GPC6: variants seen among roughly 807,000 people sequenced by gnomAD.
GPC6 encodes the protein glypican-6.
Under a neutral mutation model 55.2 loss-of-function variants are expected in GPC6, and 14 were observed. That is an observed-to-expected ratio of 0.25 (90% CI 0.17 to 0.40). GPC6 has a LOEUF of 0.40. GPC6 is among the 10% of genes least tolerant of loss of function. The pLI is 1.00. For synonymous variants in GPC6, 278 were observed against 259.6 expected, an observed-to-expected ratio of 1.07 and a Z score of -0.68; for missense variants, 641 against 708.5, an observed-to-expected ratio of 0.90 and a Z score of 1.08.
At chr13:93,913,053 TC>T (rs1470208476) in intron 3 of GPC6, among the ~76,000 whole-genome samples, 2 of 152,204 alleles carry the variant, frequency 1.3e-5, no homozygotes, top group East Asian at 3.9e-4. Context: ...CATTCTGAGA[TC>T]CTTAATTTAT....
intron 2 of GPC6, among the ~76,000 whole-genome samples, chr13:93,621,665 T>G (rs574728772): frequency 6.6e-6 from 1 of 152,190 alleles, no homozygotes; most frequent in Non-Finnish European, 1.5e-5. Flanking sequence ...GTAAATACTT[T>G]TATAACTATG....
intron 4 of GPC6, among the ~76,000 whole-genome samples, chr13:94,200,876 G>A (rs866639814): frequency 2.0e-5 from 3 of 152,180 alleles, no homozygotes; most frequent in African/African-American, 7.2e-5. Context: ...TGGTGGTGAT[G>A]TCAGAGGAGA....
At chr13:93,507,226 T>C (rs577798651) in intron 1 of GPC6, among the ~76,000 whole-genome samples, 1 of 152,268 alleles carries the variant, frequency 6.6e-6, no homozygotes, top group East Asian at 1.9e-4. Flanking sequence ...GTTATCTACC[T>C]GAAGCTTCGG....
intron 6 of GPC6, among the ~76,000 whole-genome samples, chr13:94,333,187 C>G (rs1169839741): frequency 1.3e-5 from 2 of 152,182 alleles, no homozygotes; most frequent in African/African-American, 2.4e-5. Flanking sequence ...TAATTTTTTA[C>G]TATAAATTTC....
chr13:94,034,565 C>T (rs908914885), intron 4 of GPC6, among the ~76,000 whole-genome samples: 13 of 152,178 alleles, frequency 8.5e-5, no homozygotes, highest in South Asian at 2.1e-4. Flanking sequence ...AGGCAACATA[C>T]ATCAGACCTA....
chr13:93,975,781 A>G (rs1880489291), intron 3 of GPC6, among the ~76,000 whole-genome samples: 1 of 152,114 alleles, frequency 6.6e-6, no homozygotes, highest in South Asian at 2.1e-4. Flanking sequence ...AGTCCAGGAC[A>G]TTTTGGTGTT....
intron 2 of GPC6, among the ~76,000 whole-genome samples, chr13:93,745,054 C>T (rs1304400172): frequency 6.6e-6 from 1 of 152,112 alleles, no homozygotes; most frequent in African/African-American, 2.4e-5. Flanking sequence ...CCAATCTGAG[C>T]TCAGGTCAGT....
At chr13:93,429,934 T>TA (rs1405182861) in intron 1 of GPC6, among the ~76,000 whole-genome samples, 2 of 152,142 alleles carry the variant, frequency 1.3e-5, no homozygotes, top group East Asian at 3.8e-4. Flanking sequence ...TCCTCAGACT[T>TA]ACGATTTGAC....
chr13:94,242,723 A>G (rs1891090716), intron 4 of GPC6, among the ~76,000 whole-genome samples: 1 of 152,108 alleles, frequency 6.6e-6, no homozygotes, highest in South Asian at 2.1e-4. Flanking sequence ...GGAGTTAATT[A>G]CAAGTGATCA....
intron 4 of GPC6, among the ~76,000 whole-genome samples, chr13:94,096,520 A>G (rs1415016190): frequency 6.6e-6 from 1 of 152,152 alleles, no homozygotes; most frequent in South Asian, 2.1e-4. Context: ...TTTTTTCCCA[A>G]TAACTCCTGA....
At chr13:93,412,657 A>T in intron 1 of GPC6, among the ~76,000 whole-genome samples, 1 of 152,020 alleles carries the variant, frequency 6.6e-6, no homozygotes, top group Non-Finnish European at 1.5e-5. Context: ...ACTCCATCTC[A>T]AAAACAAACA....
intron 1 of GPC6, among the ~76,000 whole-genome samples, chr13:93,411,942 G>A (rs758131222): frequency 4.0e-5 from 6 of 151,372 alleles, no homozygotes; most frequent in East Asian, 3.9e-4. Flanking sequence ...GGCAGAGGTC[G>A]CAGTGAGCCA....
intron 5 of GPC6, among the ~76,000 whole-genome samples, chr13:94,294,037 A>C (rs533288508): frequency 7.2e-5 from 11 of 152,210 alleles, no homozygotes; most frequent in African/African-American, 2.7e-4. Context: ...AGCCTTCATT[A>C]TTCCACTATC....
chr13:94,202,796 C>A (rs78892223), intron 4 of GPC6, among the ~76,000 whole-genome samples: 2,420 of 152,114 alleles, frequency 0.016, 74 homozygotes, highest in African/African-American at 0.056. Flanking sequence ...ATGGTATTTA[C>A]GAAGGTGAAG....
chr13:94,015,942 A>G (rs1182738592), intron 3 of GPC6, among the ~76,000 whole-genome samples: 1 of 152,108 alleles, frequency 6.6e-6, no homozygotes, highest in East Asian at 1.9e-4. Context: ...TTGACAGTAC[A>G]TTGTTGTTAA....
At chr13:93,874,043 C>A (rs571117939) in intron 3 of GPC6, among the ~76,000 whole-genome samples, 229 of 152,006 alleles carry the variant, frequency 1.5e-3, no homozygotes, top group Non-Finnish European at 2.6e-3. Context: ...CATTGTCTGG[C>A]AGCCAGATTT....
At chr13:93,381,636 A>G (rs1179706958) in intron 1 of GPC6, among the ~76,000 whole-genome samples, 4 of 152,144 alleles carry the variant, frequency 2.6e-5, no homozygotes, top group Admixed American at 2.6e-4. Context: ...AGTCATTGCA[A>G]TGGAAGAAAT....
intron 2 of GPC6, among the ~76,000 whole-genome samples, chr13:93,743,652 G>C (rs1270005318): frequency 6.6e-6 from 1 of 151,662 alleles, no homozygotes; most frequent in African/African-American, 2.4e-5. Flanking sequence ...ATTTTTAATG[G>C]CTTCTAATAT....
chr13:93,828,446 G>A (rs1304303969), intron 2 of GPC6, among the ~76,000 whole-genome samples: 1 of 151,768 alleles, frequency 6.6e-6, no homozygotes, highest in African/African-American at 2.4e-5. Context: ...AAATTCTCTT[G>A]ATTTCCTAAA....
Sources: gnomAD v4.1 joint callset for allele counts (sites outside exome capture counted in the v4.1 genomes callset) on GRCh38, gnomAD v4.1.1 for gene constraint, MANE v1.5 for transcripts, NCBI Gene and HGNC (gene_info 2026-07-23, HGNC 2026-07-21) for gene names.